Variants in MYH16 observed in about 807,000 individuals in gnomAD.
The protein encoded by MYH16 is putative uncharacterized protein MYH16.
exon 1 of MYH16, chr7:99,238,934 A>G (rs185482913): frequency 6.5e-6 from 1 of 152,868 alleles, no homozygotes; most frequent in African/African-American, 2.4e-5. Flanking sequence ...GCCCTATGAC[A>G]TTAAGAGGTC....
intron 32 of MYH16, among the ~76,000 whole-genome samples, 196 bp downstream of exon 13, chr7:99,292,704 A>G (rs1191351677): frequency 6.6e-6 from 1 of 152,210 alleles, no homozygotes; most frequent in Non-Finnish European, 1.5e-5. Flanking sequence ...TCATGCCTGT[A>G]ATTCCAGCAC....
chr7:99,286,200 A>T (rs1323771159), intron 27 of MYH16, among the ~76,000 whole-genome samples: 1 of 152,232 alleles, frequency 6.6e-6, no homozygotes, highest in Non-Finnish European at 1.5e-5. Flanking sequence ...AGGCAGGAGG[A>T]TCACTTGAGA....
At chr7:99,253,637 CT>C (rs1791838722) in intron 7 of MYH16, 1 of 152,706 alleles carries the variant, frequency 6.5e-6, no homozygotes, top group Middle Eastern at 3.4e-3. Context: ...CTGTTCTGGG[CT>C]TTATGGAGAG....
chr7:99,248,607 G>T (rs181794929), intron 3 of MYH16, among the ~76,000 whole-genome samples: 198 of 152,212 alleles, frequency 1.3e-3, no homozygotes, highest in African/African-American at 4.5e-3. Flanking sequence ...TCTTGCCTAG[G>T]CAGGTCTTAA....
intron 3 of MYH16, among the ~76,000 whole-genome samples, chr7:99,248,785 C>A (rs1791769567): frequency 6.6e-6 from 1 of 152,128 alleles, no homozygotes; most frequent in Admixed American, 6.6e-5. Flanking sequence ...AATTCCTGAT[C>A]CTTTCTGCAA....
At chr7:99,268,601 C>T (rs963206598) in intron 18 of MYH16, among the ~76,000 whole-genome samples, 1 of 152,168 alleles carries the variant, frequency 6.6e-6, no homozygotes, top group Non-Finnish European at 1.5e-5. Flanking sequence ...CAGTTTTGCT[C>T]CCTGAGGACT....
chr7:99,262,442 A>C (rs887248124), intron 13 of MYH16, among the ~76,000 whole-genome samples: 2 of 152,256 alleles, frequency 1.3e-5, no homozygotes, highest in Non-Finnish European at 2.9e-5. Flanking sequence ...GCTTGGGACC[A>C]AATTGCAGCT....
At chr7:99,307,272 C>T (rs564927726), downstream of MYH16, among the ~76,000 whole-genome samples, 46 of 152,316 alleles carry the variant, frequency 3.0e-4, no homozygotes, top group Non-Finnish European at 4.6e-4. Flanking sequence ...TGGTTGAATT[C>T]AGGTCTCTAA....
At chr7:99,240,904 G>A (rs771723977) in intron 1 of MYH16, among the ~76,000 whole-genome samples, 1 of 151,866 alleles carries the variant, frequency 6.6e-6, no homozygotes, top group Non-Finnish European at 1.5e-5. Context: ...ATTTTTCTCT[G>A]CGCCTGTCTT....
At chr7:99,255,274 A>T (rs1281955521) in intron 8 of MYH16, among the ~76,000 whole-genome samples, 3 of 151,944 alleles carry the variant, frequency 2.0e-5, no homozygotes, top group Non-Finnish European at 4.4e-5. Context: ...GTCTCAAAAA[A>T]TTTTTTTAAA....
intron 38 of MYH16, among the ~76,000 whole-genome samples, chr7:99,302,421 C>T (rs1171812587): frequency 2.0e-5 from 3 of 150,126 alleles, no homozygotes; most frequent in Non-Finnish European, 3.0e-5. Context: ...AATAATTAGC[C>T]ATGTGTGGTG....
intron 21 of MYH16, among the ~76,000 whole-genome samples, chr7:99,277,937 GACAGAC>G (rs144056211): frequency 0.035 from 4,197 of 119,510 alleles, 235 homozygotes; most frequent in African/African-American, 0.14. Flanking sequence ...GAGAGAGAGA[GACAGAC>G]AGACAGACAG....
At chr7:99,266,239 C>A (rs1489678507) in intron 17 of MYH16, among the ~76,000 whole-genome samples, 1 of 152,180 alleles carries the variant, frequency 6.6e-6, no homozygotes, top group East Asian at 1.9e-4. Context: ...CACTAACTGC[C>A]CCCATAACGT....
chr7:99,296,476 G>A (rs1432583743), intron 33 of MYH16, among the ~76,000 whole-genome samples: 1 of 151,994 alleles, frequency 6.6e-6, no homozygotes, highest in Non-Finnish European at 1.5e-5. Flanking sequence ...AATGTCCCAG[G>A]CCACACATCT....
chr7:99,305,688 G>GA (rs1480421902), intron 40 of MYH16, 148 bp from the exon 22 acceptor site: 6 of 153,008 alleles, frequency 3.9e-5, no homozygotes, highest in African/African-American at 1.4e-4. Context: ...GAGGCAGGAG[G>GA]ATCACTTGAG....
chr7:99,251,015 T>C (rs1260941689), intron 5 of MYH16: 7 of 155,086 alleles, frequency 4.5e-5, no homozygotes. Context: ...CACTGTCATT[T>C]GCAAGCCCAG....
downstream of MYH16, among the ~76,000 whole-genome samples, chr7:99,310,457 A>G (rs1296129259): frequency 6.6e-6 from 1 of 152,222 alleles, no homozygotes; most frequent in East Asian, 1.9e-4. Context: ...GCTCTCAGGG[A>G]GAGCTCTGTA....
chr7:99,256,388 G>A (rs1004789361), intron 9 of MYH16, among the ~76,000 whole-genome samples: 11 of 151,644 alleles, frequency 7.3e-5, no homozygotes, highest in Non-Finnish European at 1.6e-4. Flanking sequence ...AGGATCACTT[G>A]AGCCCAGGAG....
At chr7:99,290,425 T>A (rs1792352792) in intron 30 of MYH16, among the ~76,000 whole-genome samples, 1 of 142,288 alleles carries the variant, frequency 7.0e-6, no homozygotes, top group Non-Finnish European at 1.5e-5. Flanking sequence ...AGTTCAAGGC[T>A]GCAATGAGTT....
Sources: allele counts gnomAD v4.1 joint callset (sites outside exome capture counted in the v4.1 genomes callset), GRCh38; gene constraint gnomAD v4.1.1; transcripts MANE v1.5; gene names NCBI Gene and HGNC (gene_info 2026-07-23, HGNC 2026-07-21).